PCDHA6: variants seen among roughly 807,000 people sequenced by gnomAD.
PCDHA6 encodes the protein protocadherin alpha 6.
Under a neutral mutation model 60.3 loss-of-function variants are expected in PCDHA6, and 55 were observed. The observed-to-expected ratio is 0.91, with a 90% CI of 0.73 to 1.14. PCDHA6 has a LOEUF of 1.14. Among genes scored for constraint, PCDHA6 ranks in the 50% most tolerant of loss-of-function variants. The pLI is 0.00. For synonymous variants in PCDHA6, 652 were observed against 557.9 expected (o/e 1.17, Z -2.38); for missense variants, 1,327 against 1,256.5 (o/e 1.06, Z -0.85).
chr5:140,936,846 T>C (rs1385625641), intron 1 of PCDHA6, among the ~76,000 whole-genome samples: 1 of 152,206 alleles, frequency 6.6e-6, no homozygotes, highest in Non-Finnish European at 1.5e-5. Context: ...AATTGTAGAT[T>C]CAGCTTCTCA....
Position 140,828,496 on chromosome 5 carries a change from A to G in PCDHA6, c.405A>G (p.Val135=). 3 of 1,614,252 alleles carry G rather than the reference A, an allele frequency of 1.9e-6. No homozygotes were observed. Among genetic ancestry groups the G allele is most frequent in the Non-Finnish European group, 2.5e-6 (3 of 1,180,036 alleles). The change falls in exon 1 of 4, where the codon GTA becomes GTG. Residue 135 remains valine, a synonymous_variant. Transcript: ENST00000529310. ...DINDNPPLFP[V]EEQRVLIYES... is the part of the protein sequence containing the mutation. ...ACGACAACCCGCCCTTGTTCCCGGT[A>G]GAGGAACAAAGAGTGCTGATTTACG...
rs1023630665 is a variant in PCDHA6, at chr5:140,851,206, T to C, written c.2394+20721T>C. 1.3e-5 allele frequency: 15 copies of C among 1,183,670 alleles called. No homozygotes were observed. The African/African-American group carries it at 2.4e-4, about 19-fold the overall frequency. 73.3% of individuals were successfully genotyped at this position (1,183,670 alleles called of 1,614,324 possible). ...ACCAATTTAGTTGTTAGTCATTCAT[T>C]AAACATTAACATCACTATCATTTAT... On this transcript the variant is annotated intron_variant, in intron 1 of 3. Coordinates refer to ENST00000529310, the MANE Select transcript of PCDHA6 (RefSeq NM_018909.4).
intron 1 of PCDHA6, among the ~76,000 whole-genome samples, chr5:140,885,555 C>T (rs1225816980): frequency 3.3e-5 from 5 of 151,940 alleles, no homozygotes; most frequent in South Asian, 2.1e-4. Flanking sequence ...GTTATTTCTA[C>T]GAAATTGATT....
chr5:140,982,506 C>G lies in PCDHA6; in HGVS notation c.2485C>G (p.Arg829Gly). The change falls in exon 3 of 4, where the codon CGG (arginine) becomes GGG (glycine). Residue 829 changes from arginine to glycine, a missense_variant. Transcript: ENST00000529310. ...SVHLEEAGIL[R>G]AGPGGPDQQW... Reference sequence around the variant, plus strand: ...GCACCTAGAGGAGGCTGGCATTCTACGGGCTGGTCCAGGAGGGCCTGATCA... The same window carrying G: ...GCACCTAGAGGAGGCTGGCATTCTAGGGGCTGGTCCAGGAGGGCCTGATCA... 6.2e-7 allele frequency: 1 copy of G among 1,614,162 alleles called. No homozygotes were observed. Among genetic ancestry groups the G allele is most frequent in the Non-Finnish European group, 8.5e-7 (1 of 1,180,032 alleles).
chr5:141,004,697 T>A (rs2098177211), intron 3 of PCDHA6, among the ~76,000 whole-genome samples: 3 of 152,184 alleles, frequency 2.0e-5, no homozygotes, highest in Admixed American at 2.0e-4. Flanking sequence ...AAACCCAGTT[T>A]TAGGTGCCGA....
At chr5:140,854,216 A>G in intron 1 of PCDHA6, 1 of 633,308 alleles carries the variant, frequency 1.6e-6, no homozygotes, top group Non-Finnish European at 2.0e-6. Flanking sequence ...TCAATATTGG[A>G]CATCTACATT....
intron 1 of PCDHA6, chr5:140,857,181 C>CAGG (rs782645351): frequency 1.3e-6 from 2 of 1,598,372 alleles, no homozygotes; most frequent in African/African-American, 2.7e-5. Context: ...GACCATGATT[C>CAGG]AGGAGCCAAC....
chr5:140,902,676 C>T (rs781793838), intron 1 of PCDHA6, among the ~76,000 whole-genome samples: 7 of 152,040 alleles, frequency 4.6e-5, no homozygotes, highest in Non-Finnish European at 7.4e-5. Context: ...CAGTGTACAC[C>T]GTACCTAATA....
chr5:140,988,491 AGG>A (rs2097299997), intron 3 of PCDHA6, among the ~76,000 whole-genome samples: 1 of 152,182 alleles, frequency 6.6e-6, no homozygotes, highest in Non-Finnish European at 1.5e-5. Context: ...TCCCCTACCT[AGG>A]AGAAGCCATG....
chr5:140,969,210 C>T, intron 1 of PCDHA6: 10 of 1,614,184 alleles, frequency 6.2e-6, no homozygotes, highest in Non-Finnish European at 8.5e-6. Flanking sequence ...GGGGCCCAGA[C>T]AGGACCAGGG....
intron 1 of PCDHA6, chr5:140,882,360 T>A: frequency 6.2e-7 from 1 of 1,614,134 alleles, no homozygotes. Context: ...AGTGGCCAGC[T>A]CCACTACTCC....
At chr5:140,876,323 T>C (rs1554168484) in intron 1 of PCDHA6, 1 of 1,614,000 alleles carries the variant, frequency 6.2e-7, no homozygotes, top group Middle Eastern at 1.6e-4. Context: ...ATCAAAATGA[T>C]TTTGCCAGTG....
intron 3 of PCDHA6, among the ~76,000 whole-genome samples, chr5:140,992,867 C>T (rs2097531825): frequency 6.6e-6 from 1 of 152,184 alleles, no homozygotes; most frequent in Admixed American, 6.5e-5. Context: ...CTCTAGCTCC[C>T]TCCTTGATAT....
At chr5:140,963,693 A>G (rs782642148) in intron 1 of PCDHA6, among the ~76,000 whole-genome samples, 15 of 152,210 alleles carry the variant, frequency 9.9e-5, no homozygotes, top group Non-Finnish European at 2.2e-4. Context: ...TCCGTGTTTG[A>G]TATCTAAAGG....
rs782706939 is a variant in PCDHA6 at position 140,967,257 on chromosome 5, G to C, written c.2395-11692G>C. ...CAGGTAAGCGAATCGGTGGCGCCTG[G>C]AGCGCGCTTTCACATAGAGAGTGCG... is the stretch of plus-strand genomic sequence containing the variant. On this transcript the variant is annotated intron_variant, in intron 1 of 3. Coordinates refer to ENST00000529310, the MANE Select transcript of PCDHA6 (RefSeq NM_018909.4). 1.9e-6 allele frequency: 3 copies of C among 1,613,486 alleles called. No individual in the cohort carries two copies. The highest frequency in any genetic ancestry group is 1.3e-5 in the African/African-American group (1 of 75,062).
chr5:140,875,564 T>C (rs1327477761), intron 1 of PCDHA6: 1 of 1,614,048 alleles, frequency 6.2e-7, no homozygotes, highest in African/African-American at 1.3e-5. Flanking sequence ...AGCGGCCAGC[T>C]CCACTACTCC....
intron 1 of PCDHA6, among the ~76,000 whole-genome samples, chr5:140,937,364 T>C (rs1471697724): frequency 6.6e-6 from 1 of 152,150 alleles, no homozygotes; most frequent in African/African-American, 2.4e-5. Flanking sequence ...TATTTTATCT[T>C]AATGTTTATG....
chr5:140,856,373 G>A (rs781914523), intron 1 of PCDHA6: 1 of 1,598,562 alleles, frequency 6.3e-7, no homozygotes, highest in Non-Finnish European at 8.6e-7. Context: ...GGAGGTGATC[G>A]TGGACAGGCC....
intron 1 of PCDHA6, chr5:140,862,685 C>A (rs782248340): frequency 7.2e-6 from 4 of 552,774 alleles, no homozygotes; most frequent in Non-Finnish European, 1.4e-5. Context: ...GTGCTGGTGT[C>A]CTACTCGTTG....
Sources: allele counts gnomAD v4.1 joint callset (sites outside exome capture counted in the v4.1 genomes callset), GRCh38; gene constraint gnomAD v4.1.1; transcripts MANE v1.5; gene names NCBI Gene and HGNC (gene_info 2026-07-23, HGNC 2026-07-21).